NFAT5: variants seen among roughly 807,000 people sequenced by gnomAD.
The protein encoded by NFAT5 is nuclear factor of activated T-cells 5.
In NFAT5, 31 loss-of-function variants were observed where a neutral mutation model predicts 166.5. The ratio of observed to expected loss-of-function variants is 0.19; its 90% confidence interval spans 0.14 to 0.25. The LOEUF is 0.25. Among genes scored for constraint, NFAT5 ranks in the 10% least tolerant of loss-of-function variants. The pLI is 1.00. For synonymous variants in NFAT5, 612 were observed against 639.7 expected (o/e 0.96, Z 0.65); for missense variants, 1,449 against 1,821.8 (o/e 0.80, Z 3.72).
At chr16:69,622,962 A>G (rs1347646489) in intron 2 of NFAT5, among the ~76,000 whole-genome samples, 1 of 152,146 alleles carries the variant, frequency 6.6e-6, no homozygotes, top group African/African-American at 2.4e-5. Flanking sequence ...CCTGACCAAC[A>G]TGGAGAAACC....
chr16:69,568,346 A>ATATGTG lies in NFAT5; in HGVS notation c.74-148_74-147insATGTGT, dbSNP rs1190306661. 317 of 180,626 alleles carry ATATGTG rather than the reference A, an allele frequency of 1.8e-3. 3 individuals carry two copies. The highest frequency in any genetic ancestry group is 7.6e-3 in the African/African-American group (235 of 30,884). 11.2% of individuals were successfully genotyped at this position (180,626 alleles called of 1,614,324 possible). A position where few individuals can be genotyped will look rare whatever the true frequency, so the allele number is the denominator to read the frequency against. The stretch of plus-strand genomic sequence containing the variant: ...AAAATGTATGTGTGTATATATATAT[A>ATATGTG]TGTGTGTGTGTGTGTGTGTGTGTGT... On this transcript the variant is annotated intron_variant, in intron 1 of 14. Coordinates refer to ENST00000349945, the MANE Select transcript of NFAT5 (RefSeq NM_138713.4).
chr16:69,635,527 C>G (rs141212499), intron 3 of NFAT5, among the ~76,000 whole-genome samples: 1 of 151,956 alleles, frequency 6.6e-6, no homozygotes, highest in Non-Finnish European at 1.5e-5. Flanking sequence ...CTGCATTGGT[C>G]TGTTTTCACA....
rs114251078 is a variant in NFAT5, at chr16:69,650,222, G to A, written c.812+2636G>A. 8.7e-3 allele frequency among the ~76,000 whole-genome samples: 1,327 copies of A among 152,142 alleles called. 19 individuals carry two copies. Among genetic ancestry groups the A allele is most frequent in the African/African-American group, 0.031 (1,271 of 41,552 alleles). On this transcript the variant is annotated intron_variant, in intron 4 of 14. Coordinates refer to ENST00000349945, the MANE Select transcript of NFAT5 (RefSeq NM_138713.4). ...AAGACTTCTGAATAGAATATGCCATGATGGTGGATTTTCCTTTTTGGTTGT... is the reference window on the plus strand; with the variant it reads ...AAGACTTCTGAATAGAATATGCCATAATGGTGGATTTTCCTTTTTGGTTGT...
At position 69,700,497 on chromosome 16, in the gene NFAT5, A is replaced by T. The variant is rs188471105; in HGVS notation, c.*4146A>T. On this transcript the variant is annotated 3_prime_UTR_variant, in exon 15 of 15. Transcript: ENST00000349945. ...GATGCATCAACAAATAATGACCAGG[A>T]CAAAACGATTTAATAATTAAAGTCT... 3 of 152,334 alleles carry T rather than the reference A, an allele frequency of 2.0e-5. No homozygotes were observed. The East Asian group carries it at 5.8e-4, about 29-fold the overall frequency. The allele number at this position is 152,334 out of a possible 1,614,324, so 9.4% of individuals were successfully genotyped here. A position where few individuals can be genotyped will look rare whatever the true frequency, so the allele number is the denominator to read the frequency against.
rs9923096 is a variant in NFAT5, at chr16:69,687,957, G to A, written c.1775-2983G>A. Among the ~76,000 whole-genome samples the A allele has an allele frequency of 1.8e-3, 278 of 151,886 alleles. 2 individuals are homozygous for A. Among genetic ancestry groups the A allele is most frequent in the African/African-American group, 6.3e-3 (261 of 41,454 alleles). On this transcript the variant is annotated intron_variant, in intron 11 of 14. Coordinates refer to ENST00000349945, the MANE Select transcript of NFAT5 (RefSeq NM_138713.4). ...CGCCTGTAATCCCAGCACTTTGGGA[G>A]GCCGAGGCGGGTGGATCATGAGGTC...
At position 69,692,138 on chromosome 16, in the gene NFAT5, A is replaced by G. The variant is rs754348167; in HGVS notation, c.2313A>G (p.Leu771=). The G allele has an allele frequency of 6.2e-7, 1 of 1,614,176 alleles. No homozygotes were observed. Among genetic ancestry groups the G allele is most frequent in the Non-Finnish European group, 8.5e-7 (1 of 1,180,034 alleles). ...CACTACAAGAACAAGCACAGACTTT[A>G]CAGCAGCAGATTTCATCAAATATTT... is the stretch of plus-strand genomic sequence containing the variant. ...QSPLQEQAQT[L]QQQISSNIFP... The change falls in exon 13 of 15, where the codon TTA becomes TTG. Residue 771 remains leucine, a synonymous_variant. Coordinates refer to ENST00000349945, the MANE Select transcript of NFAT5 (RefSeq NM_138713.4).
intron 2 of NFAT5, among the ~76,000 whole-genome samples, chr16:69,597,569 A>T (rs2032870207): frequency 6.6e-6 from 1 of 151,044 alleles, no homozygotes; most frequent in African/African-American, 2.4e-5. Flanking sequence ...AAGAATTCTA[A>T]GGTGGGTCTT....
At chr16:69,677,357 A>G (rs2036869711) in intron 10 of NFAT5, 22 bp downstream of exon 10, 2 of 1,543,722 alleles carry the variant, frequency 1.3e-6, no homozygotes, top group South Asian at 2.5e-5. Flanking sequence ...TGAAAAATTC[A>G]GAACTAAAAC....
intron 4 of NFAT5, among the ~76,000 whole-genome samples, chr16:69,649,857 C>T (rs2151626502): frequency 6.6e-6 from 1 of 151,734 alleles, no homozygotes; most frequent in Non-Finnish European, 1.5e-5. Context: ...AAAATGTATA[C>T]AGCAGTTTAT....
At chr16:69,626,049 T>C (rs866496371) in intron 2 of NFAT5, among the ~76,000 whole-genome samples, 8 of 150,804 alleles carry the variant, frequency 5.3e-5, no homozygotes, top group Middle Eastern at 3.4e-3. Flanking sequence ...CCTCAAGCAG[T>C]TTACCCACCT....
At position 69,566,395 on chromosome 16, in the gene NFAT5, TGGGGCGTG is replaced by T; in HGVS notation, c.73+28_73+35del. ...GCGAGGTGAGTCAGGCTGTGGGGGG[TGGGGCGTG>T]GGGGCGGGGAGACAGGGAGACAGGG... On this transcript the variant is annotated intron_variant, in intron 1 of 14. Transcript: ENST00000349945. This position sits in a 1 kb window ranked among gnomAD's most constrained non-coding sequence, Gnocchi z 5.7. 5.6e-6 allele frequency: 3 copies of T among 539,770 alleles called. No homozygotes were observed. Among genetic ancestry groups the T allele is most frequent in the Non-Finnish European group, 6.6e-6 (2 of 303,292 alleles). The allele number at this position is 539,770 out of a possible 1,614,324, so 33.4% of individuals were successfully genotyped here.
At chr16:69,657,584 C>A (rs1243530633) in intron 6 of NFAT5, among the ~76,000 whole-genome samples, 10 of 147,254 alleles carry the variant, frequency 6.8e-5, no homozygotes, top group African/African-American at 2.2e-4. Flanking sequence ...GATGGAGAAA[C>A]CCTGTCTCTA....
intron 3 of NFAT5, among the ~76,000 whole-genome samples, chr16:69,630,683 TAAG>T (rs1391648541): frequency 6.6e-6 from 1 of 152,230 alleles, no homozygotes; most frequent in African/African-American, 2.4e-5. Flanking sequence ...AGGAGTTTAT[TAAG>T]AAGAAGTACA....
At chr16:69,649,771 T>G (rs2035590901) in intron 4 of NFAT5, among the ~76,000 whole-genome samples, 1 of 151,968 alleles carries the variant, frequency 6.6e-6, no homozygotes, top group African/African-American at 2.4e-5. Context: ...TTTTGAGAGA[T>G]AAGGATATAG....
chr16:69,584,289 A>C (rs937777115), intron 2 of NFAT5, among the ~76,000 whole-genome samples: 1 of 151,732 alleles, frequency 6.6e-6, no homozygotes, highest in Non-Finnish European at 1.5e-5. Flanking sequence ...GATAAATAAG[A>C]TGAAAATTGA....
intron 2 of NFAT5, among the ~76,000 whole-genome samples, chr16:69,616,101 C>A (rs1452757529): frequency 6.6e-6 from 1 of 152,086 alleles, no homozygotes; most frequent in African/African-American, 2.4e-5. Flanking sequence ...CTCCAACACC[C>A]CATGCCAGGC....
intron 2 of NFAT5, among the ~76,000 whole-genome samples, chr16:69,601,189 T>C (rs2033113244): frequency 6.6e-6 from 1 of 152,102 alleles, no homozygotes; most frequent in African/African-American, 2.4e-5. Flanking sequence ...TCCTGCCATA[T>C]CTAGATATGA....
rs1242984741 is a variant in NFAT5, at chr16:69,689,462, A to T, written c.1775-1478A>T. On this transcript the variant is annotated intron_variant, in intron 11 of 14. Coordinates refer to ENST00000349945, the MANE Select transcript of NFAT5 (RefSeq NM_138713.4). ...CCCTCTGTCAAAATAATCAGTTTTC[A>T]TAGGAATTAGGTTTTTAGCCAAATG... Among the ~76,000 whole-genome samples, 7 of 152,266 alleles carry T rather than the reference A, an allele frequency of 4.6e-5. No homozygotes were observed. The East Asian group carries it at 1.2e-3, about 25-fold the overall frequency.
chr16:69,632,667 G>C (rs2034772191), intron 3 of NFAT5: 2 of 152,094 alleles, frequency 1.3e-5, no homozygotes, highest in Non-Finnish European at 2.9e-5. Flanking sequence ...GACTAAATTT[G>C]AGGAAGAAAT....
Sources: gnomAD v4.1 joint callset for allele counts (sites outside exome capture counted in the v4.1 genomes callset) on GRCh38, gnomAD v4.1.1 for gene constraint, Gnocchi (gnomAD v3.1) non-coding constraint, MANE v1.5 for transcripts, NCBI Gene and HGNC (gene_info 2026-07-23, HGNC 2026-07-21) for gene names.